The following PDE7B variants were observed in gnomAD, a reference collection of about 807,000 sequenced individuals.
PDE7B encodes 3',5'-cyclic-AMP phosphodiesterase 7B.
PDE7B carries 29 observed loss-of-function variants against 56.2 expected under a neutral mutation model. The observed-to-expected ratio is 0.52, with a 90% confidence interval of 0.38 to 0.70. The LOEUF (loss-of-function observed/expected upper bound fraction) is 0.70, where lower values mean the gene tolerates loss of function less well. Ranked by LOEUF, PDE7B falls within the 30% of genes least tolerant of loss-of-function variation. The pLI is 0.00. For missense variants in PDE7B, 490 were observed against 565.0 expected, an observed-to-expected ratio of 0.87 and a Z score of 1.35; for synonymous variants, 197 against 196.9, an observed-to-expected ratio of 1.00 and a Z score of 0.00.
At chr6:136,124,526 C>T (rs2128443762) in intron 3 of PDE7B, among the ~76,000 whole-genome samples, 1 of 152,312 alleles carries the variant, frequency 6.6e-6, no homozygotes, top group Admixed American at 6.5e-5. Context: ...TCCCCTGAGG[C>T]CAAGTTTCAG....
intron 3 of PDE7B, among the ~76,000 whole-genome samples, chr6:136,118,392 G>A (rs1490008963): frequency 1.3e-5 from 2 of 152,234 alleles, no homozygotes; most frequent in Non-Finnish European, 2.9e-5. Flanking sequence ...GCAACCTGAA[G>A]CAACAAGCCT....
At chr6:136,129,756 A>G (rs894562957) in intron 3 of PDE7B, among the ~76,000 whole-genome samples, 11 of 152,338 alleles carry the variant, frequency 7.2e-5, no homozygotes, top group African/African-American at 2.6e-4. Flanking sequence ...AAAAGTACTC[A>G]GCTAAATTTA....
chr6:136,097,413 A>G (rs1027877707), intron 2 of PDE7B, among the ~76,000 whole-genome samples: 1 of 152,016 alleles, frequency 6.6e-6, no homozygotes, highest in African/African-American at 2.4e-5. Flanking sequence ...CAGCCCTCAT[A>G]TGAAATTTCT....
chr6:136,089,476 G>A (rs1452315366), intron 2 of PDE7B, among the ~76,000 whole-genome samples: 1 of 152,186 alleles, frequency 6.6e-6, no homozygotes, highest in Non-Finnish European at 1.5e-5. Context: ...CTCAGAGAAA[G>A]ATGCAATTGT....
At chr6:135,885,863 C>T (rs1260527762) in intron 1 of PDE7B, among the ~76,000 whole-genome samples, 1 of 152,112 alleles carries the variant, frequency 6.6e-6, no homozygotes, top group East Asian at 1.9e-4. Flanking sequence ...AGTTGTTTCT[C>T]ATAACTGTTA....
At chr6:135,879,996 C>T (rs1048723124) in intron 1 of PDE7B, among the ~76,000 whole-genome samples, 1 of 152,126 alleles carries the variant, frequency 6.6e-6, no homozygotes, top group Non-Finnish European at 1.5e-5. Context: ...ATAAGGACAA[C>T]CCCCAAGTCT....
At chr6:136,163,584 A>G (rs1778745666) in intron 8 of PDE7B, among the ~76,000 whole-genome samples, 1 of 152,178 alleles carries the variant, frequency 6.6e-6, no homozygotes, top group Non-Finnish European at 1.5e-5. Context: ...TACTTATGCA[A>G]ATTTCTGCAG....
chr6:136,191,114 G>A (rs1779217473), intron 12 of PDE7B, among the ~76,000 whole-genome samples: 1 of 146,258 alleles, frequency 6.8e-6, no homozygotes, highest in Non-Finnish European at 1.5e-5. Flanking sequence ...AGTTTTCTAA[G>A]CATTGTACAT....
At chr6:136,103,084 T>A (rs1359063911) in intron 2 of PDE7B, among the ~76,000 whole-genome samples, 3 of 152,156 alleles carry the variant, frequency 2.0e-5, no homozygotes, top group Non-Finnish European at 4.4e-5. Flanking sequence ...TTTGCCTCTT[T>A]CCTACATACA....
intron 2 of PDE7B, among the ~76,000 whole-genome samples, chr6:135,955,934 A>G (rs1774785059): frequency 6.6e-6 from 1 of 152,176 alleles, no homozygotes. Flanking sequence ...AGACACAGTA[A>G]ATCTGAGATG....
chr6:136,028,248 C>T (rs1035036761), intron 2 of PDE7B, among the ~76,000 whole-genome samples: 3 of 152,122 alleles, frequency 2.0e-5, no homozygotes, highest in Non-Finnish European at 2.9e-5. Context: ...CAAGTAGTGA[C>T]GTAAGTGAAG....
chr6:136,052,899 T>TC (rs1199210456), intron 2 of PDE7B, among the ~76,000 whole-genome samples: 2 of 151,958 alleles, frequency 1.3e-5, no homozygotes, highest in Non-Finnish European at 2.9e-5. Flanking sequence ...CCATCCTCAT[T>TC]CCCCCCAGTT....
chr6:136,128,777 T>A (rs1013067821), intron 3 of PDE7B, among the ~76,000 whole-genome samples: 1 of 152,020 alleles, frequency 6.6e-6, no homozygotes, highest in African/African-American at 2.4e-5. Flanking sequence ...TAGGGTGGGG[T>A]TGCTTTGGAG....
At chr6:135,878,818 TTTATC>T (rs1287918080) in intron 1 of PDE7B, among the ~76,000 whole-genome samples, 3 of 152,310 alleles carry the variant, frequency 2.0e-5, no homozygotes, top group East Asian at 1.9e-4. Context: ...CTTAATTTGT[TTTATC>T]TTAATTATTA....
intron 3 of PDE7B, among the ~76,000 whole-genome samples, chr6:136,135,923 G>T (rs1337449878): frequency 6.6e-6 from 1 of 152,064 alleles, no homozygotes; most frequent in Non-Finnish European, 1.5e-5. Context: ...TTCTGGAAAT[G>T]ACTCAATATT....
chr6:136,116,440 GAC>G (rs1777832579), intron 3 of PDE7B, among the ~76,000 whole-genome samples: 2 of 152,226 alleles, frequency 1.3e-5, no homozygotes, highest in African/African-American at 4.8e-5. Context: ...ATATGTAGGA[GAC>G]ACAGTTTCAA....
At chr6:136,068,789 T>C (rs968406833) in intron 2 of PDE7B, among the ~76,000 whole-genome samples, 2 of 152,188 alleles carry the variant, frequency 1.3e-5, no homozygotes, top group African/African-American at 4.8e-5. Flanking sequence ...AGAGAATCGA[T>C]TGTAAATGTT....
chr6:135,994,345 T>C (rs568608113), intron 2 of PDE7B, among the ~76,000 whole-genome samples: 4 of 152,144 alleles, frequency 2.6e-5, no homozygotes, highest in Non-Finnish European at 4.4e-5. Context: ...ACAGTTATAT[T>C]ACTAGAGGTG....
chr6:136,032,294 C>A (rs1776257610), intron 2 of PDE7B, among the ~76,000 whole-genome samples: 1 of 152,134 alleles, frequency 6.6e-6, no homozygotes, highest in South Asian at 2.1e-4. Flanking sequence ...TGTGTTTAGT[C>A]ACTTTGGACT....
Sources: gnomAD v4.1 joint callset for allele counts (sites outside exome capture counted in the v4.1 genomes callset) on GRCh38, gnomAD v4.1.1 for gene constraint, MANE v1.5 for transcripts, NCBI Gene and HGNC (gene_info 2026-07-23, HGNC 2026-07-21) for gene names.